RPH3AL: variants seen among roughly 807,000 people sequenced by gnomAD.
RPH3AL encodes the protein rabphilin 3A like (without C2 domains), also known as rab effector Noc2.
In RPH3AL, 38 loss-of-function variants were observed where a neutral mutation model predicts 43.1. That is an observed-to-expected ratio of 0.88 (90% CI 0.68 to 1.15). RPH3AL has a LOEUF of 1.15. Among genes scored for constraint, RPH3AL ranks in the 50% most tolerant of loss-of-function variants. RPH3AL has a pLI of 0.00. For missense variants in RPH3AL, 462 were observed against 423.2 expected (o/e 1.09, Z -0.81); for synonymous variants, 189 against 176.3 (o/e 1.07, Z -0.57).
chr17:321,433 C>T lies in RPH3AL; in HGVS notation c.78-18G>A, dbSNP rs550483847. 46 of 1,577,216 alleles carry T rather than the reference C, an allele frequency of 2.9e-5. No homozygotes were observed. The South Asian group carries it at 4.5e-4, about 16-fold the overall frequency. On this transcript the variant is annotated intron_variant, in intron 3 of 9. Transcript: ENST00000331302. ...TCTGCAGCCTCGAGAGGGAACAGCA[C>T]AGACGGCGTGGAGGCCTCCCCGGTG...
At chr17:282,840 A>C (rs910803170) in intron 5 of RPH3AL, among the ~76,000 whole-genome samples, 1 of 152,230 alleles carries the variant, frequency 6.6e-6, no homozygotes, top group Non-Finnish European at 1.5e-5. Context: ...GACACAGCGG[A>C]AAGTATTCCT....
chr17:304,415 A>T (rs1388221773), intron 5 of RPH3AL, among the ~76,000 whole-genome samples: 1 of 152,150 alleles, frequency 6.6e-6, no homozygotes, highest in Admixed American at 6.5e-5. Context: ...CCTGTAAGTT[A>T]CTTTTTAAAA....
chr17:311,727 C>T (rs59880734), intron 5 of RPH3AL, among the ~76,000 whole-genome samples: 2,587 of 152,284 alleles, frequency 0.017, 84 homozygotes, highest in African/African-American at 0.059. Flanking sequence ...TCCCTGCCGG[C>T]TCAGGACATC....
intron 5 of RPH3AL, among the ~76,000 whole-genome samples, chr17:315,514 T>G (rs866474739): frequency 0.035 from 4,977 of 144,082 alleles, 13 homozygotes; most frequent in African/African-American, 0.11. Flanking sequence ...TCCACCTCCA[T>G]TGACCTGTAG....
At chr17:340,299 C>T (rs933991007) in intron 1 of RPH3AL, among the ~76,000 whole-genome samples, 1 of 152,012 alleles carries the variant, frequency 6.6e-6, no homozygotes, top group Non-Finnish European at 1.5e-5. Flanking sequence ...AAATTTGTCT[C>T]CAGACAAACA....
Position 319,484 on chromosome 17 carries a change from A to G in RPH3AL, c.287T>C (p.Leu96Pro). The part of the protein sequence containing the change: ...NVMGNGLSQC[L>P]LCGEVLGFLG... ...GAAGCCCAGCACCTCCCCGCAGAGCAGACACTGGGACAGGCCGTTCCCCAT... is the reference window on the plus strand; with the variant it reads ...GAAGCCCAGCACCTCCCCGCAGAGCGGACACTGGGACAGGCCGTTCCCCAT... The change falls in exon 5 of 10, where the codon CTG (leucine) becomes CCG (proline). Residue 96 changes from leucine (L) to proline (P), a missense_variant. By Grantham distance (98) the Leu-to-Pro change is moderately conservative. Transcript: ENST00000331302. The G allele has an allele frequency of 6.2e-7, 1 of 1,612,700 alleles. No individual in the cohort carries two copies. The highest frequency in any genetic ancestry group is 8.5e-7 in the Non-Finnish European group (1 of 1,179,964).
Position 323,087 on chromosome 17 carries a change from G to A in RPH3AL, c.78-1672C>T, listed in dbSNP as rs2044524401. Among the ~76,000 whole-genome samples the A allele has an allele frequency of 6.6e-6, 1 of 152,074 alleles. No individual in the cohort carries two copies. The highest frequency in any genetic ancestry group is 1.5e-5 in the Non-Finnish European group (1 of 68,020). On this transcript the variant is annotated intron_variant, in intron 3 of 9. Transcript: ENST00000331302. This position sits in a 1 kb window ranked among gnomAD's most constrained non-coding sequence, Gnocchi z 4.4. ...GTGATAACTGTAATTATCATGGGGA[G>A]GGCTGTCAGGCATGGCTTTACCATG...
intron 4 of RPH3AL, 116 bp from the exon 5 acceptor site, chr17:319,665 C>G (rs2044405060): frequency 1.6e-6 from 2 of 1,259,848 alleles, no homozygotes; most frequent in Non-Finnish European, 2.2e-6. Flanking sequence ...GATATTGTTC[C>G]TTGCCCCGCC....
chr17:223,374 A>G (rs1252446653), intron 7 of RPH3AL, among the ~76,000 whole-genome samples: 1 of 152,184 alleles, frequency 6.6e-6, no homozygotes, highest in Non-Finnish European at 1.5e-5. Flanking sequence ...AACTCAGCAG[A>G]TGGGACAGGA....
chr17:296,023 T>C (rs993862231), intron 5 of RPH3AL, among the ~76,000 whole-genome samples: 1 of 134,438 alleles, frequency 7.4e-6, no homozygotes, highest in Non-Finnish European at 1.6e-5. Context: ...GCAGAGGGAA[T>C]GCACTTCAGT....
chr17:256,082 A>G (rs1555544290), intron 6 of RPH3AL, among the ~76,000 whole-genome samples: 8 of 26,034 alleles, frequency 3.1e-4, no homozygotes, highest in Admixed American at 8.4e-4. Context: ...TTCCATCCCT[A>G]GGAACGTGAC....
At position 328,102 on chromosome 17, in the gene RPH3AL, CA is replaced by C. The variant is rs896800774; in HGVS notation, c.-36-524del. Reference sequence around the variant, plus strand: ...ATGCCCTCGAGGGCAGGCAAGAGGGCAGGGGGTGGCAGCTACAGCCAGGATT... The same window carrying C: ...ATGCCCTCGAGGGCAGGCAAGAGGGCGGGGGTGGCAGCTACAGCCAGGATT... On this transcript the variant is annotated intron_variant, in intron 2 of 9. Coordinates refer to ENST00000331302, the MANE Select transcript of RPH3AL (RefSeq NM_006987.4). The surrounding 1 kb of genome is among the most constrained non-coding windows in gnomAD (Gnocchi z 4.2). 9.9e-5 allele frequency among the ~76,000 whole-genome samples: 15 copies of C among 152,214 alleles called. No homozygotes were observed. Among genetic ancestry groups the C allele is most frequent in the Non-Finnish European group, 1.8e-4 (12 of 68,004 alleles).
chr17:224,386 G>A (rs1329057181), intron 7 of RPH3AL, among the ~76,000 whole-genome samples: 3 of 152,176 alleles, frequency 2.0e-5, no homozygotes, highest in Admixed American at 6.5e-5. Context: ...AGCACCTCCC[G>A]CTGGGACTGG....
chr17:286,554 T>A (rs1464150348), intron 5 of RPH3AL, among the ~76,000 whole-genome samples: 1 of 152,230 alleles, frequency 6.6e-6, no homozygotes, highest in Non-Finnish European at 1.5e-5. Context: ...GTCATGGGCC[T>A]CTTCCAATGG....
At chr17:341,326 G>A (rs1407749558) in intron 1 of RPH3AL, 1 of 152,082 alleles carries the variant, frequency 6.6e-6, no homozygotes, top group Admixed American at 6.5e-5. Context: ...CACTGGAATA[G>A]AACTGAGAGC....
rs989591488 is a variant in RPH3AL at position 245,404 on chromosome 17, T to C, written c.613+1707A>G. On this transcript the variant is annotated intron_variant, in intron 7 of 9. Transcript: ENST00000331302. This position sits in a 1 kb window ranked among gnomAD's most constrained non-coding sequence, Gnocchi z 5.9. The stretch of plus-strand genomic sequence containing the variant: ...GTCAGTGTGTGTGTGGATATCAGTG[T>C]GTGTGTGTGCATGGTGATGTGTGTG... 1.4e-5 allele frequency among the ~76,000 whole-genome samples: 2 copies of C among 138,988 alleles called. No individual in the cohort carries two copies. Among genetic ancestry groups the C allele is most frequent in the African/African-American group, 5.1e-5 (2 of 39,334 alleles). 91.2% of individuals were successfully genotyped at this position (138,988 alleles called of 152,430 possible).
At chr17:338,429 G>GC (rs11409813) in intron 1 of RPH3AL, 151,870 of 151,870 alleles carry the variant, frequency 1, 75,935 homozygotes, top group Non-Finnish European at 1. Context: ...CTGCCCTCCA[G>GC]CTGGGTAACA....
chr17:332,702 CA>C, intron 2 of RPH3AL: 1 of 249,144 alleles, frequency 4.0e-6, no homozygotes, highest in South Asian at 5.0e-5. Context: ...CAAGATTCCC[CA>C]CGGGGTAGTC....
chr17:222,544 G>A (rs181137443), intron 7 of RPH3AL, among the ~76,000 whole-genome samples: 216 of 152,310 alleles, frequency 1.4e-3, no homozygotes, highest in Middle Eastern at 6.8e-3. Flanking sequence ...AATGGAAACC[G>A]TATTTGGCTG....
Sources: allele counts gnomAD v4.1 joint callset (sites outside exome capture counted in the v4.1 genomes callset), GRCh38; gene constraint gnomAD v4.1.1; non-coding constraint Gnocchi (gnomAD v3.1); transcripts MANE v1.5; gene names NCBI Gene and HGNC (gene_info 2026-07-23, HGNC 2026-07-21).